The following DOP1B variants were observed in gnomAD, a reference collection of about 807,000 sequenced individuals.
The protein encoded by DOP1B is protein DOP1B.
Under a neutral mutation model 233.5 loss-of-function variants are expected in DOP1B, and 174 were observed. That is an observed-to-expected ratio of 0.75 (90% CI 0.66 to 0.85). DOP1B has a LOEUF of 0.85. Among genes scored for constraint, DOP1B ranks in the 40% least tolerant of loss-of-function variants. DOP1B has a pLI of 0.00. For synonymous variants in DOP1B, 1,190 were observed against 1,185.6 expected (o/e 1.00, Z -0.08); for missense variants, 2,652 against 2,846.6 (o/e 0.93, Z 1.56).
chr21:36,263,163 G>A lies in DOP1B; in HGVS notation c.5316-383G>A, dbSNP rs530964771. ...GCAGGAGAATCGCTTGAACCTGGGA[G>A]GCGAAGGATGCAGTGAGCCGAGATC... On this transcript the variant is annotated intron_variant, in intron 24 of 36. Transcript: ENST00000691173. Among the ~76,000 whole-genome samples the A allele has an allele frequency of 2.5e-4, 38 of 150,622 alleles. No homozygotes were observed. In the South Asian group the frequency reaches 4.4e-3, roughly 17 times the overall value.
chr21:36,288,989 T>C, intron 34 of DOP1B, 56 bp from the exon 35 acceptor site: 1 of 1,585,774 alleles, frequency 6.3e-7, no homozygotes, highest in Non-Finnish European at 8.6e-7. Context: ...CATAGGTGAA[T>C]GGACTATAAC....
rs780012981 is a variant in DOP1B at position 36,219,411 on chromosome 21, G to C, written c.1169G>C (p.Arg390Thr). 3.7e-6 allele frequency: 6 copies of C among 1,614,042 alleles called. No homozygotes were observed. In the East Asian group the frequency reaches 6.7e-5, roughly 18 times the overall value. ...VVGNLFLEVI[R>T]AFYSYCRDAL... is the part of the protein sequence containing the mutation. The stretch of plus-strand genomic sequence containing the variant: ...GGGAATTTGTTTCTCGAAGTCATCA[G>C]GGCCTTTTATTCTTACTGCAGAGAT... The change falls in exon 10 of 37, where the codon AGG becomes ACG. Residue 390 changes from arginine to threonine, a missense_variant. By Grantham distance (71) the Arg-to-Thr change is moderately conservative (BLOSUM62 -1). Around this residue, in one of 3 missense-constraint regions of DOP1B, gnomAD observed 2,617 missense variants for 2,794.3 expected, o/e 0.94. Coordinates refer to ENST00000691173, the MANE Select transcript of DOP1B (RefSeq NM_001320714.2).
chr21:36,204,658 A>ATTTTTTTT (rs56725433), intron 4 of DOP1B, among the ~76,000 whole-genome samples: 7,183 of 114,914 alleles, frequency 0.063, 709 homozygotes, highest in African/African-American at 0.077. Flanking sequence ...TGACATTTCT[A>ATTTTTTTT]TTTTTTTTTT....
intron 2 of DOP1B, among the ~76,000 whole-genome samples, chr21:36,187,344 G>A (rs1297141554): frequency 6.6e-6 from 1 of 152,090 alleles, no homozygotes; most frequent in Non-Finnish European, 1.5e-5. Flanking sequence ...GCCCAGGCTG[G>A]AGTGCAGTGG....
At chr21:36,176,087 G>GGTGTGTGCGTGTGTGTGTGT (rs1555886131) in intron 2 of DOP1B, among the ~76,000 whole-genome samples, 5 of 96,534 alleles carry the variant, frequency 5.2e-5, no homozygotes, top group Non-Finnish European at 7.3e-5. Flanking sequence ...TCGACTTTGG[G>GGTGTGTGCGTGTGTGTGTGT]GTGTGTGTGC....
At chr21:36,254,910 G>A (rs1312505705) in intron 23 of DOP1B, among the ~76,000 whole-genome samples, 4 of 151,436 alleles carry the variant, frequency 2.6e-5, no homozygotes. Context: ...AGCTCAAGGA[G>A]AGAGTCTTTG....
In DOP1B at chr21:36,214,154, T is replaced by C. The variant is rs147590869; in HGVS notation, c.978T>C (p.Tyr326=). The C allele has an allele frequency of 1.6e-4, 255 of 1,613,514 alleles. 1 individual carries two copies. In the African/African-American group the frequency reaches 2.9e-3, roughly 18 times the overall value. ...ATTCTTATGAAGACCAGTCGTCTTA[T>C]TTTTTTGAAAAATACTCCAAGGATC... is the stretch of plus-strand genomic sequence containing the variant. The part of the protein sequence containing the change: ...ISNSYEDQSS[Y]FFEKYSKDLL... The change falls in exon 8 of 37, where the codon TAT becomes TAC. Residue 326 remains tyrosine (Y), a synonymous_variant. Coordinates refer to ENST00000691173, the MANE Select transcript of DOP1B (RefSeq NM_001320714.2).
chr21:36,188,998 T>C (rs779875332), intron 2 of DOP1B, among the ~76,000 whole-genome samples: 7 of 152,194 alleles, frequency 4.6e-5, no homozygotes, highest in Non-Finnish European at 1.0e-4. Flanking sequence ...ACATAAAATT[T>C]ACCATCTTAA....
At chr21:36,175,804 A>G (rs1313136789) in intron 2 of DOP1B, 1 of 152,476 alleles carries the variant, frequency 6.6e-6, no homozygotes, top group Non-Finnish European at 1.5e-5. Flanking sequence ...AAAAAAAGAA[A>G]GAAAAGAAAA....
At chr21:36,279,640 C>A (rs192886364) in intron 30 of DOP1B, among the ~76,000 whole-genome samples, 212 of 152,274 alleles carry the variant, frequency 1.4e-3, no homozygotes, top group Non-Finnish European at 2.1e-3. Flanking sequence ...TATTTGTCTT[C>A]ACTATCCCAC....
intron 18 of DOP1B, 95 bp downstream of exon 18, chr21:36,240,050 G>A: frequency 8.1e-6 from 11 of 1,362,888 alleles, no homozygotes; most frequent in Non-Finnish European, 1.1e-5. Context: ...CCCACTAGGG[G>A]GTTTTGTTAG....
intron 32 of DOP1B, among the ~76,000 whole-genome samples, chr21:36,286,528 C>T (rs191766673): frequency 6.6e-6 from 1 of 151,486 alleles, no homozygotes; most frequent in Non-Finnish European, 1.5e-5. Flanking sequence ...CCCAGCTACT[C>T]GGGAAGCTGA....
At position 36,293,509 on chromosome 21, in the gene DOP1B, A is replaced by C; in HGVS notation, c.6835A>C (p.Arg2279=). Residue 2279 remains arginine (R), a synonymous_variant, in exon 37 of 37, where the codon AGG becomes CGG. Transcript: ENST00000691173. The part of the protein sequence containing the change: ...FLDFPVTDSP[R]ILKQLEECIE... Reference sequence around the variant, plus strand: ...GGACTTTCCTGTCACAGATAGCCCAAGGATCTTAAAACAACTGGAAGAATG... The same window carrying C: ...GGACTTTCCTGTCACAGATAGCCCACGGATCTTAAAACAACTGGAAGAATG... 1 of 1,614,150 alleles carries C rather than the reference A, an allele frequency of 6.2e-7. No individual in the cohort carries two copies. Among genetic ancestry groups the C allele is most frequent in the Non-Finnish European group, 8.5e-7 (1 of 1,179,978 alleles).
intron 27 of DOP1B, among the ~76,000 whole-genome samples, chr21:36,270,418 TGG>T (rs2067274468): frequency 6.6e-6 from 1 of 150,544 alleles, no homozygotes; most frequent in African/African-American, 2.5e-5. Flanking sequence ...CTGGGCACAG[TGG>T]TAAGCACCTG....
chr21:36,224,939 C>T (rs928571151), intron 11 of DOP1B, among the ~76,000 whole-genome samples: 5 of 152,014 alleles, frequency 3.3e-5, no homozygotes, highest in South Asian at 2.1e-4. Flanking sequence ...AGCCCAGCCT[C>T]GTTCCCTTGG....
intron 28 of DOP1B, 76 bp downstream of exon 28, chr21:36,277,176 T>C: frequency 6.6e-7 from 1 of 1,505,900 alleles, no homozygotes; most frequent in Non-Finnish European, 9.1e-7. Context: ...ATTTGTTCAT[T>C]CCCAGGTGCC....
At chr21:36,163,750 A>T (rs968139129) in intron 1 of DOP1B, among the ~76,000 whole-genome samples, 1 of 152,242 alleles carries the variant, frequency 6.6e-6, no homozygotes, top group Non-Finnish European at 1.5e-5. Context: ...ATTAGCTGTT[A>T]TGTGCAGAAA....
At chr21:36,194,473 T>TTC (rs201416655) in intron 2 of DOP1B, among the ~76,000 whole-genome samples, 2 of 135,424 alleles carry the variant, frequency 1.5e-5, no homozygotes, top group African/African-American at 2.8e-5. Context: ...TTTGCTGCAT[T>TTC]TCTCTCTCTC....
chr21:36,247,499 CT>C lies in DOP1B; in HGVS notation c.4698-17del. 1 of 1,557,888 alleles carries C rather than the reference CT, an allele frequency of 6.4e-7. No homozygotes were observed. The highest frequency in any genetic ancestry group is 8.7e-7 in the Non-Finnish European group (1 of 1,155,386). On this transcript the variant is annotated splice_polypyrimidine_tract_variant and intron_variant, in intron 19 of 36. Coordinates refer to ENST00000691173, the MANE Select transcript of DOP1B (RefSeq NM_001320714.2). ...TCTTTAAAAATTCTCAAACCAGTTT[CT>C]CTTTTCTTCACCACAGCACAACCTC...
Sources: gnomAD v4.1 joint callset for allele counts (sites outside exome capture counted in the v4.1 genomes callset) on GRCh38, gnomAD v4.1.1 for gene constraint, gnomAD v4.1.1 regional missense constraint, MANE v1.5 for transcripts, NCBI Gene and HGNC (gene_info 2026-07-23, HGNC 2026-07-21) for gene names.